INTS9: variants seen among roughly 807,000 people sequenced by gnomAD.
INTS9 encodes integrator complex subunit 9.
A neutral mutation model predicts 79.7 loss-of-function variants in INTS9; 55 were observed. The observed-to-expected ratio is 0.69, with a 90% confidence interval of 0.56 to 0.86. The LOEUF (loss-of-function observed/expected upper bound fraction) is 0.86, where lower values mean the gene tolerates loss of function less well. Among genes scored for constraint, INTS9 ranks in the 40% least tolerant of loss-of-function variants. The pLI, the probability that INTS9 is intolerant of heterozygous loss-of-function variation, is 0.00. For synonymous variants in INTS9, 319 were observed against 325.2 expected (o/e 0.98, Z 0.20); for missense variants, 721 against 831.5 (o/e 0.87, Z 1.64).
intron 12 of INTS9, among the ~76,000 whole-genome samples, chr8:28,778,513 G>A (rs959980286): frequency 2.0e-5 from 3 of 152,168 alleles, no homozygotes; most frequent in East Asian, 1.9e-4. Context: ...GAAGACAAGC[G>A]CACGGCCCCG....
chr8:28,885,484 C>T (rs1376651186), intron 1 of INTS9, among the ~76,000 whole-genome samples: 2 of 152,094 alleles, frequency 1.3e-5, no homozygotes, highest in Admixed American at 6.5e-5. Context: ...AAATGGAAAG[C>T]GTTAAAATTG....
intron 1 of INTS9, among the ~76,000 whole-genome samples, chr8:28,881,939 C>T (rs1195636641): frequency 6.8e-6 from 1 of 147,074 alleles, no homozygotes; most frequent in East Asian, 2.1e-4. Context: ...CGGCCACGAC[C>T]CCGTCTGGGA....
chr8:28,777,762 CCACACA>C, intron 13 of INTS9, 61 bp downstream of exon 13: 2 of 1,508,904 alleles, frequency 1.3e-6, no homozygotes, highest in Non-Finnish European at 1.8e-6. Flanking sequence ...TCCCCTCACC[CCACACA>C]AGCATGAGCC....
At chr8:28,852,080 A>G (rs1383483319) in intron 2 of INTS9, among the ~76,000 whole-genome samples, 1 of 151,272 alleles carries the variant, frequency 6.6e-6, no homozygotes, top group Non-Finnish European at 1.5e-5. Context: ...CTAGCAGGCT[A>G]TGGTGGTACA....
At chr8:28,886,750 T>G (rs1810194147) in intron 1 of INTS9, among the ~76,000 whole-genome samples, 1 of 152,162 alleles carries the variant, frequency 6.6e-6, no homozygotes, top group Non-Finnish European at 1.5e-5. Flanking sequence ...CATGCTAACT[T>G]TAAGCCACTT....
chr8:28,842,662 T>A (rs1306346110), intron 4 of INTS9, among the ~76,000 whole-genome samples: 1 of 151,680 alleles, frequency 6.6e-6, no homozygotes, highest in Non-Finnish European at 1.5e-5. Flanking sequence ...ACGTTTCACC[T>A]CCCACTTTTT....
chr8:28,881,710 G>A (rs1433030626), intron 1 of INTS9, among the ~76,000 whole-genome samples: 2 of 121,914 alleles, frequency 1.6e-5, no homozygotes, highest in East Asian at 2.6e-4. Flanking sequence ...AGGTGGGGGG[G>A]TCAGCCCCCC....
chr8:28,781,442 A>T (rs1360555448), intron 11 of INTS9, among the ~76,000 whole-genome samples: 1 of 152,226 alleles, frequency 6.6e-6, no homozygotes, highest in Non-Finnish European at 1.5e-5. Context: ...GCTGGTGGGA[A>T]TGCAAAAGGA....
chr8:28,829,190 C>A (rs908894005), intron 6 of INTS9, among the ~76,000 whole-genome samples: 1 of 152,136 alleles, frequency 6.6e-6, no homozygotes. Flanking sequence ...AAAAAAAGTA[C>A]TAGAGGTGGG....
Position 28,775,824 on chromosome 8 carries a change from G to T in INTS9, c.1498C>A (p.Arg500=), listed in dbSNP as rs146865172. The part of the protein sequence containing the change: ...IDCQPPAMSY[R]RAEVLALPFK... ...GGCAGGGCGAGAACCTCAGCCCGCC[G>T]ATAGGACATGGCGGGGGGCTGGCAG... The change falls in exon 14 of 17, where the codon CGG becomes AGG. Residue 500 remains arginine (R), a synonymous_variant. Transcript: ENST00000521022. The T allele has an allele frequency of 1.2e-6, 2 of 1,614,082 alleles. No individual in the cohort carries two copies. The highest frequency in any genetic ancestry group is 2.2e-5 in the South Asian group (2 of 91,066).
At chr8:28,792,367 AAAGT>A (rs1470054527) in intron 10 of INTS9, among the ~76,000 whole-genome samples, 3 of 152,154 alleles carry the variant, frequency 2.0e-5, no homozygotes, top group African/African-American at 4.8e-5. Context: ...AAACTGAAAG[AAAGT>A]ATGTTTAGCC....
intron 6 of INTS9, among the ~76,000 whole-genome samples, chr8:28,821,460 A>G (rs1805823978): frequency 6.6e-6 from 1 of 152,184 alleles, no homozygotes; most frequent in Non-Finnish European, 1.5e-5. Flanking sequence ...CCCTCCCACA[A>G]CATGTGGGAA....
intron 1 of INTS9, among the ~76,000 whole-genome samples, chr8:28,876,195 G>A (rs1266046023): frequency 6.6e-6 from 1 of 152,108 alleles, no homozygotes; most frequent in Non-Finnish European, 1.5e-5. Context: ...GTTTTCCAAG[G>A]AAACCTTGCA....
intron 4 of INTS9, among the ~76,000 whole-genome samples, chr8:28,842,044 T>C (rs1807215992): frequency 6.6e-6 from 1 of 152,164 alleles, no homozygotes; most frequent in African/African-American, 2.4e-5. Context: ...ATTATGGTTA[T>C]GCCATCACAC....
intron 1 of INTS9, among the ~76,000 whole-genome samples, chr8:28,860,209 C>T (rs1808379034): frequency 6.6e-6 from 1 of 152,182 alleles, no homozygotes; most frequent in Non-Finnish European, 1.5e-5. Flanking sequence ...GCACAAGCCA[C>T]AATGGTGTCT....
At chr8:28,824,577 C>T (rs779797521) in intron 6 of INTS9, among the ~76,000 whole-genome samples, 7 of 152,198 alleles carry the variant, frequency 4.6e-5, no homozygotes, top group Admixed American at 6.5e-5. Context: ...TGCTCACTCA[C>T]GTGCTCTTTG....
At chr8:28,778,300 T>G (rs909039242) in intron 12 of INTS9, among the ~76,000 whole-genome samples, 1 of 152,228 alleles carries the variant, frequency 6.6e-6, no homozygotes. Flanking sequence ...CATCACTTAT[T>G]CAGATGAAAA....
chr8:28,821,722 A>C (rs1262832311), intron 6 of INTS9, among the ~76,000 whole-genome samples: 1 of 150,788 alleles, frequency 6.6e-6, no homozygotes, highest in Non-Finnish European at 1.5e-5. Flanking sequence ...TAATTTATTA[A>C]GCAATATATT....
chr8:28,827,137 C>T lies in INTS9; in HGVS notation c.488+8155G>A, dbSNP rs374570372. Among the ~76,000 whole-genome samples, 132 of 152,288 alleles carry T rather than the reference C, an allele frequency of 8.7e-4. 1 individual carries two copies. The highest frequency in any genetic ancestry group is 3.0e-3 in the African/African-American group (126 of 41,566). The stretch of plus-strand genomic sequence containing the variant: ...TTTGGATAAGAAGGATAAGGAAACC[C>T]AGAGGGAACTAGTTCTGTTTTTTCT... On this transcript the variant is annotated intron_variant, in intron 6 of 16. Coordinates refer to ENST00000521022, the MANE Select transcript of INTS9 (RefSeq NM_018250.4).
Sources: gnomAD v4.1 joint callset for allele counts (sites outside exome capture counted in the v4.1 genomes callset) on GRCh38, gnomAD v4.1.1 for gene constraint, MANE v1.5 for transcripts, NCBI Gene and HGNC (gene_info 2026-07-23, HGNC 2026-07-21) for gene names.